TANC1: variants seen among roughly 807,000 people sequenced by gnomAD.
The protein encoded by TANC1 is tetratricopeptide repeat, ankyrin repeat and coiled-coil containing 1, also known as protein TANC1.
In TANC1, 77 loss-of-function variants were observed where a neutral mutation model predicts 149.7. That is an observed-to-expected ratio of 0.51 (90% confidence interval 0.43 to 0.62). The LOEUF is 0.62. Ranked by LOEUF, TANC1 falls within the 20% of genes least tolerant of loss-of-function variation. TANC1 has a pLI of 0.00. For missense variants in TANC1, 1,985 were observed against 2,321.8 expected (o/e 0.85, Z 2.98); for synonymous variants, 854 against 925.0 (o/e 0.92, Z 1.39).
chr2:159,145,600 T>C (rs1366385456), intron 5 of TANC1, among the ~76,000 whole-genome samples: 2 of 152,186 alleles, frequency 1.3e-5, no homozygotes, highest in African/African-American at 4.8e-5. Context: ...AAAGTTATGA[T>C]GGCAGTCGGG....
intron 14 of TANC1, among the ~76,000 whole-genome samples, chr2:159,182,971 G>A (rs2056642619): frequency 6.6e-6 from 1 of 152,344 alleles, no homozygotes; most frequent in South Asian, 2.1e-4. Flanking sequence ...GCATCAGAAT[G>A]AGCAGGCCGT....
At chr2:159,023,606 T>C (rs1213731912) in intron 2 of TANC1, among the ~76,000 whole-genome samples, 3 of 152,200 alleles carry the variant, frequency 2.0e-5, no homozygotes, top group African/African-American at 7.2e-5. Context: ...CTTCCCAAAG[T>C]GCTGGAATTA....
chr2:158,997,738 A>C (rs970167786), intron 1 of TANC1, among the ~76,000 whole-genome samples: 1 of 152,218 alleles, frequency 6.6e-6, no homozygotes, highest in African/African-American at 2.4e-5. Flanking sequence ...CAAGATATAA[A>C]ATAAATATAC....
At chr2:159,018,709 T>A (rs763422902) in intron 2 of TANC1, among the ~76,000 whole-genome samples, 1 of 152,198 alleles carries the variant, frequency 6.6e-6, no homozygotes, top group Non-Finnish European at 1.5e-5. Flanking sequence ...AATTTGTGTA[T>A]CCTAGGTATT....
intron 16 of TANC1, among the ~76,000 whole-genome samples, chr2:159,188,180 A>G (rs2150632018): frequency 6.6e-6 from 1 of 152,184 alleles, no homozygotes; most frequent in Middle Eastern, 3.4e-3. Context: ...TCAAGGGGGG[A>G]AAACGGTTTT....
intron 2 of TANC1, among the ~76,000 whole-genome samples, chr2:159,052,108 C>T (rs550231718): frequency 3.9e-5 from 6 of 152,186 alleles, no homozygotes; most frequent in African/African-American, 1.2e-4. Flanking sequence ...AACTGAAACA[C>T]GGCAGTTTCC....
intron 2 of TANC1, chr2:159,004,453 C>T: frequency 1.4e-6 from 1 of 737,108 alleles, no homozygotes; most frequent in South Asian, 1.9e-5. Context: ...ATTAATAATG[C>T]TGTTTGTTCA....
At position 159,229,620 on chromosome 2, in the gene TANC1, A is replaced by G. The variant is rs377193595; in HGVS notation, c.4194A>G (p.Lys1398=). The change falls in exon 27 of 27, where the codon AAA becomes AAG. Residue 1398 remains lysine (K), a synonymous_variant. Transcript: ENST00000263635. The stretch of plus-strand genomic sequence containing the variant: ...TGGCTGACCTGCAAGAGGCTGTGAA[A>G]CTCTGTCCCACCAATCAGGAAGTCA... ...AALADLQEAV[K]LCPTNQEVKR... 1.7e-5 allele frequency: 27 copies of G among 1,613,768 alleles called. No individual in the cohort carries two copies. Among genetic ancestry groups the G allele is most frequent in the Middle Eastern group, 1.7e-4 (1 of 6,058 alleles).
chr2:159,032,622 C>CA (rs2039875772), intron 2 of TANC1, among the ~76,000 whole-genome samples: 1 of 152,154 alleles, frequency 6.6e-6, no homozygotes, highest in East Asian at 1.9e-4. Context: ...CGCAGCTTCT[C>CA]AGGGCTGTCA....
intron 3 of TANC1, among the ~76,000 whole-genome samples, chr2:159,075,751 C>A (rs762643166): frequency 5.3e-5 from 8 of 151,568 alleles, no homozygotes; most frequent in Admixed American, 2.0e-4. Context: ...CATTTTGTTT[C>A]CATATTTTTT....
rs545970118 is a variant in TANC1, at chr2:159,145,775, A to G, written c.365-3367A>G. Among the ~76,000 whole-genome samples the G allele has an allele frequency of 1.1e-4, 17 of 152,258 alleles. 1 individual carries two copies. The East Asian group carries it at 3.1e-3, about 28-fold the overall frequency. On this transcript the variant is annotated intron_variant, in intron 5 of 26. Coordinates refer to ENST00000263635, the MANE Select transcript of TANC1 (RefSeq NM_033394.3). ...CTATGTAATACTGAGGGTTCCATGAATGTGCTGCTGGGGGGAGTATTGTTC... is the reference window on the plus strand; with the variant it reads ...CTATGTAATACTGAGGGTTCCATGAGTGTGCTGCTGGGGGGAGTATTGTTC...
intron 19 of TANC1, among the ~76,000 whole-genome samples, chr2:159,208,341 A>G (rs1025321658): frequency 6.6e-6 from 1 of 152,252 alleles, no homozygotes; most frequent in African/African-American, 2.4e-5. Context: ...TCATAAGTGA[A>G]GGATGGAAAA....
chr2:159,087,493 G>GTTGT (rs1220461016), intron 3 of TANC1, among the ~76,000 whole-genome samples: 2 of 138,062 alleles, frequency 1.4e-5, no homozygotes, highest in Non-Finnish European at 3.1e-5. Flanking sequence ...GTCGTTGTTT[G>GTTGT]TTGTTTGTTT....
At chr2:159,028,226 T>C (rs1480254146) in intron 2 of TANC1, among the ~76,000 whole-genome samples, 1 of 151,830 alleles carries the variant, frequency 6.6e-6, no homozygotes, top group Non-Finnish European at 1.5e-5. Flanking sequence ...ATTCCAGGGA[T>C]TCTCCTGCCT....
At chr2:159,039,929 C>T (rs1308030728) in intron 2 of TANC1, among the ~76,000 whole-genome samples, 1 of 152,176 alleles carries the variant, frequency 6.6e-6, no homozygotes, top group African/African-American at 2.4e-5. Flanking sequence ...TCTCATTGTT[C>T]TGTCTAATAT....
At chr2:159,200,521 T>G (rs2058172958) in intron 19 of TANC1, among the ~76,000 whole-genome samples, 1 of 152,220 alleles carries the variant, frequency 6.6e-6, no homozygotes. Flanking sequence ...ATGACTTTTT[T>G]ATTTGGAAGA....
Position 159,041,908 on chromosome 2 carries a change from G to A in TANC1, c.-15-23988G>A, listed in dbSNP as rs895283355. Among the ~76,000 whole-genome samples, 15 of 152,136 alleles carry A rather than the reference G, an allele frequency of 9.9e-5. 1 individual carries two copies. Among genetic ancestry groups the A allele is most frequent in the African/African-American group, 3.6e-4 (15 of 41,432 alleles). ...TGAAGACTGGAGCTGTTCCTATTCAGCCATCTTGGAACCCTACCCCATGTT... is the reference window on the plus strand; with the variant it reads ...TGAAGACTGGAGCTGTTCCTATTCAACCATCTTGGAACCCTACCCCATGTT... On this transcript the variant is annotated intron_variant, in intron 2 of 26. Transcript: ENST00000263635.
At chr2:159,051,063 C>T (rs1410615686) in intron 2 of TANC1, among the ~76,000 whole-genome samples, 1 of 152,180 alleles carries the variant, frequency 6.6e-6, no homozygotes, top group Non-Finnish European at 1.5e-5. Flanking sequence ...AAACTTAGTA[C>T]ATCTGTGCAA....
chr2:159,025,160 CTT>C (rs1491372780), intron 2 of TANC1, among the ~76,000 whole-genome samples: 5 of 143,070 alleles, frequency 3.5e-5, no homozygotes, highest in Admixed American at 6.8e-5. Flanking sequence ...TTCTCTTTCT[CTT>C]TTTCTTTCTT....
Sources: gnomAD v4.1 joint callset for allele counts (sites outside exome capture counted in the v4.1 genomes callset) on GRCh38, gnomAD v4.1.1 for gene constraint, MANE v1.5 for transcripts, NCBI Gene and HGNC (gene_info 2026-07-23, HGNC 2026-07-21) for gene names.